THSD7B: variants seen among roughly 807,000 people sequenced by gnomAD.
THSD7B encodes the protein thrombospondin type-1 domain-containing protein 7B.
Under a neutral mutation model 213.6 loss-of-function variants are expected in THSD7B, and 138 were observed. The observed-to-expected ratio is 0.65, with a 90% confidence interval of 0.56 to 0.74. The LOEUF (loss-of-function observed/expected upper bound fraction) is 0.74. Ranked by LOEUF, THSD7B falls within the 30% of genes least tolerant of loss-of-function variation. The pLI is 0.00. For synonymous variants in THSD7B, 742 were observed against 687.0 expected, an observed-to-expected ratio of 1.08 and a Z score of -1.25; for missense variants, 1,931 against 1,991.5, an observed-to-expected ratio of 0.97 and a Z score of 0.58.
chr2:137,399,217 A>AT (rs1167505434), intron 12 of THSD7B, among the ~76,000 whole-genome samples: 1 of 3,914 alleles, frequency 2.6e-4, no homozygotes, highest in African/African-American at 3.3e-4. Flanking sequence ...TTTTAAACAC[A>AT]AGTCTTGCTC....
intron 7 of THSD7B, among the ~76,000 whole-genome samples, chr2:137,205,927 T>G (rs1680974709): frequency 1.3e-5 from 2 of 152,082 alleles, no homozygotes; most frequent in Admixed American, 6.6e-5. Flanking sequence ...TGTTGCAACA[T>G]ATTTTTACAT....
At chr2:137,479,265 G>A (rs1324979264) in intron 15 of THSD7B, among the ~76,000 whole-genome samples, 2 of 152,214 alleles carry the variant, frequency 1.3e-5, no homozygotes, top group Non-Finnish European at 2.9e-5. Flanking sequence ...GGTGGTAGTG[G>A]AATGTGAAGT....
chr2:137,621,194 A>T (rs1413198646), intron 20 of THSD7B, among the ~76,000 whole-genome samples: 1 of 152,190 alleles, frequency 6.6e-6, no homozygotes, highest in Non-Finnish European at 1.5e-5. Flanking sequence ...CTGCCACTTT[A>T]ACAGGACCAA....
Position 137,450,702 on chromosome 2 carries a change from G to A in THSD7B, c.2960-143G>A. ...TGTCATATTTATTTCTTAAAATTTT[G>A]GTCTGTTTATCTGAGAACAAAATTA... On this transcript the variant is annotated intron_variant, in intron 14 of 27. Coordinates refer to ENST00000409968, the MANE Select transcript of THSD7B (RefSeq NM_001316349.2). The A allele has an allele frequency of 7.5e-6, 4 of 534,232 alleles. No individual in the cohort carries two copies. The Admixed American group carries it at 1.2e-4, about 16-fold the overall frequency. 33.1% of individuals were successfully genotyped at this position (534,232 alleles called of 1,614,324 possible). A position where few individuals can be genotyped will look rare whatever the true frequency, so the allele number is the denominator to read the frequency against.
intron 4 of THSD7B, among the ~76,000 whole-genome samples, chr2:137,108,899 C>G (rs993058611): frequency 6.6e-6 from 1 of 152,082 alleles, no homozygotes; most frequent in Admixed American, 6.6e-5. Context: ...ACGTGGTGTC[C>G]TTAATATTTG....
At chr2:137,522,055 T>G (rs1490884553) in intron 15 of THSD7B, among the ~76,000 whole-genome samples, 1 of 152,202 alleles carries the variant, frequency 6.6e-6, no homozygotes, top group African/African-American at 2.4e-5. Context: ...GGAGATAAAC[T>G]ACCCTTTCTT....
intron 1 of THSD7B, among the ~76,000 whole-genome samples, chr2:136,811,369 G>A (rs539043163): frequency 6.6e-6 from 1 of 152,236 alleles, no homozygotes; most frequent in Non-Finnish European, 1.5e-5. Context: ...TAATTGTCAT[G>A]TGAAATAGTA....
intron 1 of THSD7B, among the ~76,000 whole-genome samples, chr2:136,799,398 A>G (rs1282663157): frequency 6.6e-6 from 1 of 152,028 alleles, no homozygotes; most frequent in Admixed American, 6.6e-5. Flanking sequence ...TCTTTTGGTG[A>G]CAAAAATGCT....
chr2:137,102,994 C>G (rs78774671), intron 4 of THSD7B, among the ~76,000 whole-genome samples: 7,119 of 152,220 alleles, frequency 0.047, 268 homozygotes, highest in East Asian at 0.1. Context: ...CTTCCCCAAC[C>G]TAACAAGACA....
intron 15 of THSD7B, among the ~76,000 whole-genome samples, chr2:137,559,997 A>T (rs1681073943): frequency 6.6e-6 from 1 of 152,236 alleles, no homozygotes; most frequent in African/African-American, 2.4e-5. Context: ...AATGCAAATC[A>T]AAACCAGAAT....
chr2:137,588,139 C>T (rs1005480662), intron 17 of THSD7B, among the ~76,000 whole-genome samples: 1 of 152,196 alleles, frequency 6.6e-6, no homozygotes, highest in African/African-American at 2.4e-5. Context: ...GAGCCAGGCA[C>T]GGGATATAAT....
intron 2 of THSD7B, among the ~76,000 whole-genome samples, chr2:136,963,848 CT>C (rs1685271910): frequency 6.6e-6 from 1 of 152,096 alleles, no homozygotes; most frequent in Non-Finnish European, 1.5e-5. Context: ...TAAATTATTC[CT>C]TTTGATAATT....
intron 3 of THSD7B, among the ~76,000 whole-genome samples, chr2:137,080,557 A>G (rs1335856375): frequency 6.6e-6 from 1 of 151,756 alleles, no homozygotes; most frequent in Non-Finnish European, 1.5e-5. Context: ...TTATTTTAGA[A>G]GTTACCTTTG....
In THSD7B at chr2:136,849,286, G is replaced by C. The variant is rs1425349826; in HGVS notation, c.-35-32858G>C. ...GTTTATTGCTCACTATACTCTGCCA[G>C]TAAAGTAATGCTAAACTCATTTTGA... is the stretch of plus-strand genomic sequence containing the variant. On this transcript the variant is annotated intron_variant, in intron 1 of 27. Coordinates refer to ENST00000409968, the MANE Select transcript of THSD7B (RefSeq NM_001316349.2). Among the ~76,000 whole-genome samples the C allele has an allele frequency of 2.0e-5, 3 of 152,246 alleles. No homozygotes were observed. In the East Asian group the frequency reaches 5.8e-4, roughly 29 times the overall value.
chr2:137,566,228 T>C (rs1242914312), intron 16 of THSD7B, among the ~76,000 whole-genome samples: 2 of 152,184 alleles, frequency 1.3e-5, no homozygotes, highest in Non-Finnish European at 2.9e-5. Context: ...TCAGATAAAA[T>C]AGTGAATAAC....
At chr2:137,132,482 G>A (rs550728106) in intron 5 of THSD7B, among the ~76,000 whole-genome samples, 75 of 152,134 alleles carry the variant, frequency 4.9e-4, no homozygotes, top group African/African-American at 1.7e-3. Flanking sequence ...ACTTTCTTAT[G>A]TGAGTTCACA....
At chr2:137,246,429 A>G (rs1380975778) in intron 10 of THSD7B, among the ~76,000 whole-genome samples, 1 of 152,180 alleles carries the variant, frequency 6.6e-6, no homozygotes. Flanking sequence ...CGTTCATTCT[A>G]AACCTCTCAG....
intron 2 of THSD7B, among the ~76,000 whole-genome samples, chr2:136,952,323 G>A (rs988515172): frequency 6.6e-6 from 1 of 151,214 alleles, no homozygotes; most frequent in Non-Finnish European, 1.5e-5. Context: ...CAATGTAATT[G>A]TTTCAATGGG....
chr2:137,101,805 G>T (rs550520191), intron 4 of THSD7B, among the ~76,000 whole-genome samples: 1 of 152,174 alleles, frequency 6.6e-6, no homozygotes, highest in Non-Finnish European at 1.5e-5. Context: ...CCACCACCGC[G>T]CCACAAAGCT....
Sources: gnomAD v4.1 joint callset for allele counts (sites outside exome capture counted in the v4.1 genomes callset) on GRCh38, gnomAD v4.1.1 for gene constraint, MANE v1.5 for transcripts, NCBI Gene and HGNC (gene_info 2026-07-23, HGNC 2026-07-21) for gene names.